The following RAD51B variants were observed in gnomAD, a reference collection of about 807,000 sequenced individuals.
The protein encoded by RAD51B is DNA repair protein RAD51 homolog 2.
RAD51B carries 38 observed loss-of-function variants against 42.2 expected under a neutral mutation model. The ratio of observed to expected loss-of-function variants is 0.90; its 90% CI spans 0.70 to 1.18. The LOEUF (loss-of-function observed/expected upper bound fraction) is 1.18, where lower values mean the gene tolerates loss of function less well. Among genes scored for constraint, RAD51B ranks in the 50% most tolerant of loss-of-function variants. The pLI, the probability that RAD51B is intolerant of heterozygous loss-of-function variation, is 0.00. For synonymous variants in RAD51B, 154 were observed against 145.2 expected (o/e 1.06, Z -0.43); for missense variants, 373 against 400.7 (o/e 0.93, Z 0.59).
chr14:67,884,468 A>G (rs777769679), intron 5 of RAD51B, among the ~76,000 whole-genome samples: 2 of 152,202 alleles, frequency 1.3e-5, no homozygotes, highest in Non-Finnish European at 2.9e-5. Flanking sequence ...AAAAACTGGT[A>G]GGTTCTAAGT....
At chr14:68,104,010 G>A (rs977965631) in intron 7 of RAD51B, among the ~76,000 whole-genome samples, 6 of 152,234 alleles carry the variant, frequency 3.9e-5, no homozygotes, top group East Asian at 3.9e-4. Flanking sequence ...TTACCCAGTC[G>A]CAGGTTTCAG....
intron 8 of RAD51B, among the ~76,000 whole-genome samples, chr14:68,351,757 G>A (rs956464244): frequency 6.6e-6 from 1 of 152,160 alleles, no homozygotes; most frequent in Non-Finnish European, 1.5e-5. Context: ...AGAACACAGT[G>A]GGGTTTTTGG....
At chr14:68,431,927 T>C (rs2085018894) in intron 9 of RAD51B, among the ~76,000 whole-genome samples, 1 of 152,240 alleles carries the variant, frequency 6.6e-6, no homozygotes, top group Admixed American at 6.5e-5. Context: ...TTTAAATGTG[T>C]CCCAGAGATT....
intron 10 of RAD51B, among the ~76,000 whole-genome samples, chr14:68,591,405 G>A (rs957130330): frequency 6.6e-6 from 1 of 152,178 alleles, no homozygotes; most frequent in African/African-American, 2.4e-5. Context: ...GACAAACAGG[G>A]GAGCCACCTC....
intron 7 of RAD51B, among the ~76,000 whole-genome samples, chr14:68,268,264 A>G (rs1183527937): frequency 6.6e-6 from 1 of 152,256 alleles, no homozygotes; most frequent in Non-Finnish European, 1.5e-5. Flanking sequence ...ACACACATAC[A>G]TACACATCAT....
At chr14:67,843,121 C>T (rs1389024801) in intron 4 of RAD51B, among the ~76,000 whole-genome samples, 4 of 150,780 alleles carry the variant, frequency 2.7e-5, no homozygotes, top group African/African-American at 9.8e-5. Context: ...GGATATTGAC[C>T]TGATGCTTTC....
intron 7 of RAD51B, among the ~76,000 whole-genome samples, chr14:68,151,753 A>G (rs2078387430): frequency 6.6e-6 from 1 of 150,788 alleles, no homozygotes; most frequent in Admixed American, 6.6e-5. Context: ...AGTGTTTACC[A>G]CTAGAAATTT....
intron 10 of RAD51B, among the ~76,000 whole-genome samples, chr14:68,592,844 C>T (rs1017744717): frequency 1.3e-5 from 2 of 152,198 alleles, no homozygotes; most frequent in African/African-American, 4.8e-5. Context: ...TGCAGGGCAC[C>T]GTGCTCTTGG....
chr14:68,331,630 C>T (rs1443829814), intron 8 of RAD51B, among the ~76,000 whole-genome samples: 1 of 152,070 alleles, frequency 6.6e-6, no homozygotes, highest in Non-Finnish European at 1.5e-5. Flanking sequence ...TCCTGGGCCA[C>T]ATCGCTGAGA....
downstream of RAD51B, among the ~76,000 whole-genome samples, chr14:68,479,977 G>A (rs2525508): frequency 0.025 from 3,829 of 151,824 alleles, 145 homozygotes; most frequent in African/African-American, 0.086. Flanking sequence ...ATGAGCCACC[G>A]CGCCCAGCCA....
Position 68,444,978 on chromosome 14 carries a change from C to G in RAD51B, c.958-23194C>G, listed in dbSNP as rs997426532. ...AGCCATGGCTTGGCAGTAGACAAAG[C>G]AGCTGTGTGGGTCCTCGGGGAGCTC... is the stretch of plus-strand genomic sequence containing the variant. On this transcript the variant is annotated intron_variant, in intron 9 of 10. Coordinates refer to ENST00000471583, the MANE Select transcript of RAD51B (RefSeq NM_133510.4). Among the ~76,000 whole-genome samples, 3 of 152,170 alleles carry G rather than the reference C, an allele frequency of 2.0e-5. No homozygotes were observed. The South Asian group carries it at 6.2e-4, about 32-fold the overall frequency.
intron 7 of RAD51B, among the ~76,000 whole-genome samples, chr14:67,891,087 A>T (rs1304284249): frequency 6.6e-6 from 1 of 152,120 alleles, no homozygotes; most frequent in Non-Finnish European, 1.5e-5. Flanking sequence ...AATCAATTTC[A>T]GTTGTTATAT....
intron 7 of RAD51B, among the ~76,000 whole-genome samples, chr14:67,980,145 T>C (rs2075064553): frequency 6.6e-6 from 1 of 151,932 alleles, no homozygotes; most frequent in South Asian, 2.1e-4. Flanking sequence ...AAAAAAAATA[T>C]CGTAAAGAGG....
At chr14:68,210,045 C>T (rs931188569) in intron 7 of RAD51B, among the ~76,000 whole-genome samples, 5 of 151,802 alleles carry the variant, frequency 3.3e-5, no homozygotes, top group East Asian at 1.9e-4. Flanking sequence ...CTGCAACCTC[C>T]GCCACCCGGG....
Position 68,620,283 on chromosome 14 carries a change from G to C in RAD51B, c.1037-30498G>C, listed in dbSNP as rs150728163. ...CCCAGGAGTCCAGAGATTCCCAAGT[G>C]AGTCAGCAGACGCCTGAGATAGTAG... On this transcript the variant is annotated intron_variant, in intron 10 of 11. Coordinates refer to the RAD51B transcript ENST00000488612. Among the ~76,000 whole-genome samples, 389 of 152,300 alleles carry C rather than the reference G, an allele frequency of 2.6e-3. 1 individual carries two copies. The highest frequency in any genetic ancestry group is 6.1e-3 in the Admixed American group (94 of 15,300).
intron 4 of RAD51B, among the ~76,000 whole-genome samples, chr14:67,837,107 G>A (rs1272507868): frequency 6.6e-6 from 1 of 151,544 alleles, no homozygotes; most frequent in Non-Finnish European, 1.5e-5. Flanking sequence ...TTAAATAGTT[G>A]GTAAATAAAT....
At chr14:68,612,070 A>G (rs898415890), downstream of RAD51B, among the ~76,000 whole-genome samples, 1 of 152,114 alleles carries the variant, frequency 6.6e-6, no homozygotes, top group Admixed American at 6.5e-5. Flanking sequence ...TGGACATTTT[A>G]AAAGTGCTCT....
At chr14:68,681,743 G>A (rs901843836) in intron 11 of RAD51B, among the ~76,000 whole-genome samples, 1 of 152,204 alleles carries the variant, frequency 6.6e-6, no homozygotes, top group Non-Finnish European at 1.5e-5. Flanking sequence ...CTGTTCATCA[G>A]TAGGCTTTGT....
At chr14:68,559,222 A>G (rs951135945) in intron 10 of RAD51B, among the ~76,000 whole-genome samples, 3 of 151,964 alleles carry the variant, frequency 2.0e-5, no homozygotes, top group African/African-American at 7.3e-5. Context: ...CTTATAATAG[A>G]TATTTTTAAT....
Sources: gnomAD v4.1 joint callset for allele counts (sites outside exome capture counted in the v4.1 genomes callset) on GRCh38, gnomAD v4.1.1 for gene constraint, MANE v1.5 for transcripts, NCBI Gene and HGNC (gene_info 2026-07-23, HGNC 2026-07-21) for gene names.